SLC46A2: variants seen among roughly 807,000 people sequenced by gnomAD.
SLC46A2 encodes thymic stromal co-transporter.
A neutral mutation model predicts 33.1 loss-of-function variants in SLC46A2; 25 were observed. That is an observed-to-expected ratio of 0.76 (90% CI 0.55 to 1.06). The LOEUF is 1.06. Among genes scored for constraint, SLC46A2 ranks in the 50% least tolerant of loss-of-function variants. The pLI is 0.00. For missense variants in SLC46A2, 622 were observed against 621.7 expected, an observed-to-expected ratio of 1.00 and a Z score of 0.00; for synonymous variants, 254 against 275.9, an observed-to-expected ratio of 0.92 and a Z score of 0.79.
intron 3 of SLC46A2, among the ~76,000 whole-genome samples, chr9:112,886,073 CTG>C (rs2131545247): frequency 1.3e-5 from 2 of 152,308 alleles, no homozygotes; most frequent in East Asian, 1.9e-4. Flanking sequence ...GGGGAAGAAA[CTG>C]TGCTCTGAAA....
At chr9:112,889,416 G>T in intron 1 of SLC46A2, 137 bp downstream of exon 1, 2 of 751,614 alleles carry the variant, frequency 2.7e-6, no homozygotes, top group Non-Finnish European at 4.3e-6. Flanking sequence ...ATATAATCTT[G>T]TGTCCCTTGT....
At chr9:112,879,971 A>G in intron 3 of SLC46A2, 152 bp from the exon 4 acceptor site, 1 of 595,432 alleles carries the variant, frequency 1.7e-6, no homozygotes, top group Non-Finnish European at 3.1e-6. Context: ...ACTGTGACCC[A>G]TCTCCCTGCA....
intron 3 of SLC46A2, among the ~76,000 whole-genome samples, chr9:112,886,181 T>A (rs1433064978): frequency 6.6e-6 from 1 of 152,172 alleles, no homozygotes; most frequent in African/African-American, 2.4e-5. Context: ...TAAGGAAGTA[T>A]ACGGAACTCA....
At chr9:112,882,955 G>C (rs1841599059) in intron 3 of SLC46A2, among the ~76,000 whole-genome samples, 1 of 152,208 alleles carries the variant, frequency 6.6e-6, no homozygotes, top group African/African-American at 2.4e-5. Flanking sequence ...TGGGAGAAAA[G>C]CCAGAAGAAT....
In SLC46A2 at chr9:112,890,524, G is replaced by A; in HGVS notation, c.158C>T (p.Ser53Phe). 1 of 1,614,064 alleles carries A rather than the reference G, an allele frequency of 6.2e-7. No individual in the cohort carries two copies. ...VVKASYGTGG[S>F]SNHSASPSPR... Reference sequence around the variant, plus strand: ...CGATGGGCTGGCACTGTGGTTGGAGGAGCCTCCGGTTCCGTAGGACGCCTT... The same window carrying A: ...CGATGGGCTGGCACTGTGGTTGGAGAAGCCTCCGGTTCCGTAGGACGCCTT... Residue 53 changes from serine (S) to phenylalanine (F), a missense_variant, in exon 1 of 4, where the codon TCC (serine) becomes TTC (phenylalanine). Transcript: ENST00000374228. The surrounding 1 kb of genome is among the most constrained non-coding windows in gnomAD (Gnocchi z 6.0).
At chr9:112,884,171 T>C (rs1255384615) in intron 3 of SLC46A2, among the ~76,000 whole-genome samples, 1 of 152,200 alleles carries the variant, frequency 6.6e-6, no homozygotes, top group African/African-American at 2.4e-5. Context: ...TCGGCTCACT[T>C]TGGTACCAGG....
chr9:112,887,269 G>T, intron 2 of SLC46A2, 61 bp downstream of exon 2: 1 of 1,514,936 alleles, frequency 6.6e-7, no homozygotes. Flanking sequence ...TGTGCCTCAT[G>T]CTTAGCAGCT....
intron 2 of SLC46A2, 74 bp downstream of exon 2, chr9:112,887,256 G>T: frequency 1.4e-6 from 2 of 1,387,858 alleles, no homozygotes; most frequent in Non-Finnish European, 2.0e-6. Flanking sequence ...CCTTCTGCAG[G>T]TCTGTGCCTC....
Position 112,879,219 on chromosome 9 carries a change from CTT to C in SLC46A2, c.*541_*542del, listed in dbSNP as rs1382785308. ...AGGAAGACTCAGGAAAGAAAGCTGA[CTT>C]TTTTCAAGGTTTTATTTTAATTTAA... is the stretch of plus-strand genomic sequence containing the variant. On this transcript the variant is annotated 3_prime_UTR_variant, in exon 4 of 4. Coordinates refer to ENST00000374228, the MANE Select transcript of SLC46A2 (RefSeq NM_033051.4). 1 of 152,250 alleles carries C rather than the reference CTT, an allele frequency of 6.6e-6. No individual in the cohort carries two copies. Among genetic ancestry groups the C allele is most frequent in the Non-Finnish European group, 1.5e-5 (1 of 68,074 alleles). 9.4% of individuals were successfully genotyped at this position (152,250 alleles called of 1,614,324 possible).
chr9:112,883,589 TAAAAA>T (rs932971830), intron 3 of SLC46A2, among the ~76,000 whole-genome samples: 1 of 151,624 alleles, frequency 6.6e-6, no homozygotes, highest in Non-Finnish European at 1.5e-5. Flanking sequence ...TTATTATCAT[TAAAAA>T]AAAGAAGATG....
At position 112,887,347 on chromosome 9, in the gene SLC46A2, A is replaced by G. The variant is rs771543305; in HGVS notation, c.1196T>C (p.Ile399Thr). Residue 399 changes from isoleucine to threonine, a missense_variant, in exon 2 of 4, where the codon ATA becomes ACA. By Grantham distance (89) the Ile-to-Thr change is moderately conservative. Transcript: ENST00000374228. ...TTIRSAMSKLIKGSSYGKVFV... is the reference protein window; with the variant it reads ...TTIRSAMSKLTKGSSYGKVFV... ...CTACTCACCATAAGAGGAGCCCTTT[A>G]TGAGTTTGGACATAGCTGATCGGAT... 2 of 1,612,146 alleles carry G rather than the reference A, an allele frequency of 1.2e-6. No homozygotes were observed. Among genetic ancestry groups the G allele is most frequent in the East Asian group, 2.2e-5 (1 of 44,806 alleles).
intron 1 of SLC46A2, among the ~76,000 whole-genome samples, chr9:112,889,050 C>A (rs1419659387): frequency 6.6e-6 from 1 of 152,076 alleles, no homozygotes; most frequent in East Asian, 1.9e-4. Flanking sequence ...ACCACCACAC[C>A]TGGCTAATTT....
chr9:112,890,159 G>C lies in SLC46A2; in HGVS notation c.523C>G (p.Leu175Val). Reference sequence around the variant, plus strand: ...GCCAAGCCCAGCATCAGGTCAATGAGGATGAGGCGCACAGAGCGGCGGCCC... The same window carrying C: ...GCCAAGCCCAGCATCAGGTCAATGACGATGAGGCGCACAGAGCGGCGGCCC... ...SEGRRSVRLI[L>V]IDLMLGLAGF... The change falls in exon 1 of 4, where the codon CTC (leucine) becomes GTC (valine). Residue 175 changes from leucine to valine, a missense_variant. Coordinates refer to ENST00000374228, the MANE Select transcript of SLC46A2 (RefSeq NM_033051.4). This position sits in a 1 kb window ranked among gnomAD's most constrained non-coding sequence, Gnocchi z 6.0. 1 of 1,613,668 alleles carries C rather than the reference G, an allele frequency of 6.2e-7. No homozygotes were observed. The highest frequency in any genetic ancestry group is 8.5e-7 in the Non-Finnish European group (1 of 1,180,012).
rs751700367 is a variant in SLC46A2 at position 112,890,244 on chromosome 9, G to T, written c.438C>A (p.Phe146Leu). ...CGGACCAGAAGGCGGAGAAGCCGCC[G>T]AATAGCCCGTTCAGCGCCGCCGCCC... ...LYGAAALNGL[F>L]GGFSAFWSGV... The change falls in exon 1 of 4, where the codon TTC (phenylalanine) becomes TTA (leucine). Residue 146 changes from phenylalanine to leucine, a missense_variant. Coordinates refer to ENST00000374228, the MANE Select transcript of SLC46A2 (RefSeq NM_033051.4). The surrounding 1 kb of genome is among the most constrained non-coding windows in gnomAD (Gnocchi z 6.0). The T allele has an allele frequency of 5.0e-6, 8 of 1,613,162 alleles. No individual in the cohort carries two copies. Among genetic ancestry groups the T allele is most frequent in the Non-Finnish European group, 6.8e-6 (8 of 1,179,882 alleles).
intron 3 of SLC46A2, chr9:112,880,121 A>G (rs1393260070): frequency 4.2e-6 from 1 of 238,730 alleles, no homozygotes; most frequent in African/African-American, 2.2e-5. Context: ...ACCTGAAGTC[A>G]GGAGTTCGAG....
chr9:112,888,523 CAAT>C (rs2131547281), intron 1 of SLC46A2, among the ~76,000 whole-genome samples: 1 of 152,328 alleles, frequency 6.6e-6, no homozygotes, highest in African/African-American at 2.4e-5. Context: ...AAATTAAATA[CAAT>C]GACATAAAAT....
At chr9:112,882,575 T>C (rs1201219978) in intron 3 of SLC46A2, among the ~76,000 whole-genome samples, 1 of 152,094 alleles carries the variant, frequency 6.6e-6, no homozygotes, top group Non-Finnish European at 1.5e-5. Flanking sequence ...AGAGGCTAAC[T>C]CAGTCATCCA....
rs768618452 is a variant in SLC46A2, at chr9:112,889,629, G to A, written c.1053C>T (p.Ile351=). ...ACCCAAAGGAGACCATCCCAATCAT[G>A]ATCATGGTGGTGTCCCGAAAGCAGC... ...FSRCFRDTTM[I]MIGMVSFGSG... Residue 351 remains isoleucine (I), a synonymous_variant, in exon 1 of 4, where the codon ATC becomes ATT. Transcript: ENST00000374228. 3 of 1,614,142 alleles carry A rather than the reference G, an allele frequency of 1.9e-6. No homozygotes were observed. Among genetic ancestry groups the A allele is most frequent in the Admixed American group, 1.7e-5 (1 of 60,030 alleles).
chr9:112,890,660 G>A lies in SLC46A2; in HGVS notation c.22C>T (p.Pro8Ser). MSPEVTC[P>S]RRGHLPRFHP... ...AAGCGAGGCAGGTGGCCCCTCCGCG[G>A]GCAGGTGACCTCGGGGCTCATGTGA... is the stretch of plus-strand genomic sequence containing the variant. Residue 8 changes from proline (P) to serine (S), a missense_variant, in exon 1 of 4, where the codon CCG becomes TCG. Physicochemically the swap from Pro to Ser is moderately conservative, Grantham distance 74 (BLOSUM62 -1). Coordinates refer to ENST00000374228, the MANE Select transcript of SLC46A2 (RefSeq NM_033051.4). The surrounding 1 kb of genome is among the most constrained non-coding windows in gnomAD (Gnocchi z 6.0). The A allele has an allele frequency of 1.3e-6, 2 of 1,598,302 alleles. No homozygotes were observed. Among genetic ancestry groups the A allele is most frequent in the Non-Finnish European group, 1.7e-6 (2 of 1,179,434 alleles).
Sources: gnomAD v4.1 joint callset for allele counts (sites outside exome capture counted in the v4.1 genomes callset) on GRCh38, gnomAD v4.1.1 for gene constraint, Gnocchi (gnomAD v3.1) non-coding constraint, MANE v1.5 for transcripts, NCBI Gene and HGNC (gene_info 2026-07-23, HGNC 2026-07-21) for gene names.